NDC1: variants seen among roughly 807,000 people sequenced by gnomAD.
The protein encoded by NDC1 is nucleoporin NDC1.
Under a neutral mutation model 89.8 loss-of-function variants are expected in NDC1, and 24 were observed. The ratio of observed to expected loss-of-function variants is 0.27; its 90% CI spans 0.19 to 0.38. NDC1 has a LOEUF of 0.38. NDC1 is among the 10% of genes least tolerant of loss of function. The pLI, the probability that NDC1 is intolerant of heterozygous loss-of-function variation, is 1.00. For missense variants in NDC1, 728 were observed against 797.6 expected, an observed-to-expected ratio of 0.91 and a Z score of 1.05; for synonymous variants, 296 against 284.8, an observed-to-expected ratio of 1.04 and a Z score of -0.39.
Position 53,766,166 on chromosome 1 carries a change from T to C in NDC1, c.*1804A>G, listed in dbSNP as rs549574422. The C allele has an allele frequency of 1.4e-5, 2 of 141,596 alleles. No individual in the cohort carries two copies. The highest frequency in any genetic ancestry group is 4.2e-4 in the South Asian group (2 of 4,730). The allele number at this position is 141,596 out of a possible 1,614,324, so 8.8% of individuals were successfully genotyped here. ...AGCTTTACCCAAAGTATATAGGAAA[T>C]GGCAAAAACCTAACCTAGCTGGACA... On this transcript the variant is annotated 3_prime_UTR_variant, in exon 18 of 18. Transcript: ENST00000371429.
chr1:53,811,685 T>G (rs960603552), intron 6 of NDC1, among the ~76,000 whole-genome samples: 2 of 140,746 alleles, frequency 1.4e-5, no homozygotes, highest in South Asian at 4.9e-4. Context: ...CCTACCTCAA[T>G]ACAAAGGACA....
At chr1:53,834,495 G>C (rs1022116229) in intron 2 of NDC1, among the ~76,000 whole-genome samples, 1 of 152,164 alleles carries the variant, frequency 6.6e-6, no homozygotes, top group Non-Finnish European at 1.5e-5. Context: ...CCAACTCCTT[G>C]AAAACTGGCA....
At chr1:53,803,287 G>A (rs1462349985) in intron 10 of NDC1, among the ~76,000 whole-genome samples, 1 of 152,010 alleles carries the variant, frequency 6.6e-6, no homozygotes, top group Admixed American at 6.5e-5. Flanking sequence ...GGCTGGTCTC[G>A]AATTCCTAAG....
chr1:53,811,391 T>C lies in NDC1; in HGVS notation c.704-1645A>G, dbSNP rs538977035. 2.6e-5 allele frequency among the ~76,000 whole-genome samples: 4 copies of C among 152,312 alleles called. No individual in the cohort carries two copies. In the East Asian group the frequency reaches 5.8e-4, roughly 22 times the overall value. Reference sequence around the variant, plus strand: ...AGCCCAGGGCAAGTTTTCAAGCCCATCTGGCCTTCCACCTGGAAACAGACT... The same window carrying C: ...AGCCCAGGGCAAGTTTTCAAGCCCACCTGGCCTTCCACCTGGAAACAGACT... On this transcript the variant is annotated intron_variant, in intron 6 of 17. Coordinates refer to ENST00000371429, the MANE Select transcript of NDC1 (RefSeq NM_018087.5).
At position 53,831,881 on chromosome 1, in the gene NDC1, G is replaced by GT. The variant is rs551466368; in HGVS notation, c.280+608dup. Among the ~76,000 whole-genome samples the GT allele has an allele frequency of 1.0e-3, 155 of 150,370 alleles. 3 individuals are homozygous for GT. The South Asian group carries it at 0.028, about 27-fold the overall frequency. On this transcript the variant is annotated intron_variant, in intron 3 of 17. Coordinates refer to ENST00000371429, the MANE Select transcript of NDC1 (RefSeq NM_018087.5). Reference sequence around the variant, plus strand: ...GGTGATTCTCCAAGGCAAAACATAAGTTTTTTTTTAATCACAGTATTATAG... The same window carrying GT: ...GGTGATTCTCCAAGGCAAAACATAAGTTTTTTTTTTAATCACAGTATTATAG...
At position 53,779,008 on chromosome 1, in the gene NDC1, T is replaced by C. The variant is rs145125687; in HGVS notation, c.1801-6519A>G. Among the ~76,000 whole-genome samples the C allele has an allele frequency of 5.9e-3, 879 of 149,490 alleles. 11 individuals carry two copies. Among genetic ancestry groups the C allele is most frequent in the Non-Finnish European group, 9.7e-3 (660 of 67,746 alleles). On this transcript the variant is annotated intron_variant, in intron 16 of 17. Transcript: ENST00000371429. ...AATACAAAAAAATTATTGGGCATAG[T>C]GGTGCGTGCCTGTGGTCCCAGCTAC...
intron 16 of NDC1, among the ~76,000 whole-genome samples, chr1:53,772,730 A>C (rs575451654): frequency 1.3e-5 from 2 of 151,454 alleles, no homozygotes; most frequent in African/African-American, 2.4e-5. Flanking sequence ...ACAAAACAAA[A>C]CAAACATAAT....
intron 16 of NDC1, among the ~76,000 whole-genome samples, chr1:53,780,172 A>C (rs548607778): frequency 6.6e-6 from 1 of 152,256 alleles, no homozygotes; most frequent in East Asian, 1.9e-4. Flanking sequence ...TCCCAGGTTC[A>C]AGCGATTCTC....
intron 2 of NDC1, among the ~76,000 whole-genome samples, chr1:53,833,718 A>C (rs1330278335): frequency 6.6e-6 from 1 of 152,160 alleles, no homozygotes; most frequent in Non-Finnish European, 1.5e-5. Flanking sequence ...CTCAAAGTTT[A>C]AAATATATAT....
At chr1:53,830,380 G>C (rs1236265661) in intron 3 of NDC1, among the ~76,000 whole-genome samples, 3 of 151,902 alleles carry the variant, frequency 2.0e-5, no homozygotes, top group Non-Finnish European at 4.4e-5. Flanking sequence ...CTTGCACCTG[G>C]GAGGTGGAGG....
At chr1:53,793,723 C>G (rs1647601129) in intron 13 of NDC1, among the ~76,000 whole-genome samples, 1 of 151,960 alleles carries the variant, frequency 6.6e-6, no homozygotes, top group South Asian at 2.1e-4. Context: ...TCCTGGGTAG[C>G]TGGGAATACA....
At chr1:53,780,499 A>G (rs528020313) in intron 16 of NDC1, among the ~76,000 whole-genome samples, 7 of 152,298 alleles carry the variant, frequency 4.6e-5, no homozygotes, top group African/African-American at 9.6e-5. Flanking sequence ...TCCATTCTGT[A>G]TCGTATCACA....
chr1:53,792,621 A>G (rs550140069), intron 14 of NDC1, among the ~76,000 whole-genome samples: 5 of 152,236 alleles, frequency 3.3e-5, no homozygotes, highest in Non-Finnish European at 7.3e-5. Flanking sequence ...GCTAAAAACA[A>G]AAATTCTTTC....
intron 2 of NDC1, among the ~76,000 whole-genome samples, chr1:53,833,698 G>A (rs1219932722): frequency 6.6e-6 from 1 of 151,656 alleles, no homozygotes; most frequent in South Asian, 2.1e-4. Flanking sequence ...TTCAACAATC[G>A]ATATTCCATC....
chr1:53,772,539 C>G (rs1347663036), intron 16 of NDC1, 50 bp from the exon 17 acceptor site: 7 of 1,573,998 alleles, frequency 4.4e-6, no homozygotes, highest in Non-Finnish European at 5.2e-6. Flanking sequence ...GAAAGCCAAC[C>G]TAGGCCAGGT....
intron 4 of NDC1, among the ~76,000 whole-genome samples, 166 bp downstream of exon 4, chr1:53,827,833 T>C (rs1648922047): frequency 6.6e-6 from 1 of 152,196 alleles, no homozygotes. Context: ...ATTTTTTTAA[T>C]TGCTGAAATC....
At position 53,793,216 on chromosome 1, in the gene NDC1, C is replaced by G; in HGVS notation, c.1635+13G>C. 1 of 1,598,392 alleles carries G rather than the reference C, an allele frequency of 6.3e-7. No homozygotes were observed. ...CCCTCCCCATTCCCAACGCTATAAC[C>G]ACATATTCTTACCTTACTGAAAAAA... On this transcript the variant is annotated intron_variant, in intron 14 of 17. Coordinates refer to ENST00000371429, the MANE Select transcript of NDC1 (RefSeq NM_018087.5).
intron 2 of NDC1, among the ~76,000 whole-genome samples, chr1:53,834,888 G>C (rs868455544): frequency 4.6e-5 from 7 of 152,112 alleles, no homozygotes; most frequent in Non-Finnish European, 8.8e-5. Context: ...CAGGTGGATT[G>C]CTTGAAGTCA....
intron 16 of NDC1, among the ~76,000 whole-genome samples, chr1:53,785,901 T>TTTTATTTATTTATTTA (rs757203425): frequency 3.3e-5 from 5 of 151,382 alleles, no homozygotes; most frequent in African/African-American, 1.2e-4. Context: ...CAGATGCTAT[T>TTTTATTTATTTATTTA]TTTATTCATT....
Sources: gnomAD v4.1 joint callset for allele counts (sites outside exome capture counted in the v4.1 genomes callset) on GRCh38, gnomAD v4.1.1 for gene constraint, MANE v1.5 for transcripts, NCBI Gene and HGNC (gene_info 2026-07-23, HGNC 2026-07-21) for gene names.